Variants in GABRB3 observed in about 807,000 individuals in gnomAD.
GABRB3 encodes the protein gamma-aminobutyric acid type A receptor subunit beta3, also known as gamma-aminobutyric acid receptor subunit beta-3.
In GABRB3, 14 loss-of-function variants were observed where a neutral mutation model predicts 52.1. The observed-to-expected ratio is 0.27, with a 90% CI of 0.18 to 0.42. The LOEUF (loss-of-function observed/expected upper bound fraction) is 0.42, where lower values mean the gene tolerates loss of function less well. GABRB3 is among the 10% of genes least tolerant of loss of function. The pLI is 1.00. For missense variants in GABRB3, 307 were observed against 609.1 expected, an observed-to-expected ratio of 0.50 and a Z score of 5.22; for synonymous variants, 260 against 232.3, an observed-to-expected ratio of 1.12 and a Z score of -1.08.
At chr15:26,562,832 T>C (rs1232068537) in intron 7 of GABRB3, among the ~76,000 whole-genome samples, 1 of 69,930 alleles carries the variant, frequency 1.4e-5, no homozygotes, top group Non-Finnish European at 3.0e-5. Flanking sequence ...AACTGAAGAC[T>C]TGAGAAACTC....
Position 26,621,860 on chromosome 15 carries a change from G to A in GABRB3, c.241-326C>T, listed in dbSNP as rs1480063466. Among the ~76,000 whole-genome samples the A allele has an allele frequency of 2.0e-5, 3 of 150,006 alleles. No homozygotes were observed. The highest frequency in any genetic ancestry group is 1.9e-4 in the East Asian group (1 of 5,148). On this transcript the variant is annotated intron_variant, in intron 3 of 8. Transcript: ENST00000311550. This position sits in a 1 kb window ranked among gnomAD's most constrained non-coding sequence, Gnocchi z 4.1. ...GTCATCGTAAAATCAGGTTGCTGGC[G>A]GGGAACTAGATTGTTCCCATGGATG... is the stretch of plus-strand genomic sequence containing the variant.
intron 3 of GABRB3, among the ~76,000 whole-genome samples, chr15:26,638,541 G>A (rs1893115101): frequency 6.6e-6 from 1 of 152,194 alleles, no homozygotes; most frequent in Admixed American, 6.5e-5. Context: ...ACCCCTCTGA[G>A]TGCCAATCCC....
At chr15:26,707,510 C>T (rs527287039) in intron 3 of GABRB3, among the ~76,000 whole-genome samples, 6 of 152,208 alleles carry the variant, frequency 3.9e-5, no homozygotes, top group East Asian at 1.9e-4. Flanking sequence ...GAAAGGGTCA[C>T]GTGTGAGCCT....
At chr15:26,709,390 C>T (rs999801145) in intron 3 of GABRB3, among the ~76,000 whole-genome samples, 8 of 152,102 alleles carry the variant, frequency 5.3e-5, no homozygotes, top group African/African-American at 1.9e-4. Flanking sequence ...GACATGCTGA[C>T]CCTCCTTCTA....
chr15:26,586,313 T>C (rs1360582019), intron 4 of GABRB3, among the ~76,000 whole-genome samples: 2 of 151,612 alleles, frequency 1.3e-5, no homozygotes, highest in Non-Finnish European at 2.9e-5. Flanking sequence ...TCTTATATAT[T>C]TTGGTACCTA....
At chr15:26,679,965 C>T (rs939186006) in intron 3 of GABRB3, among the ~76,000 whole-genome samples, 6 of 152,186 alleles carry the variant, frequency 3.9e-5, no homozygotes, top group Non-Finnish European at 8.8e-5. Flanking sequence ...GTTAATTTTA[C>T]GTGTCATTCA....
chr15:26,547,619 T>C lies in GABRB3; in HGVS notation c.*174A>G. The C allele has an allele frequency of 1.6e-6, 1 of 627,412 alleles. No individual in the cohort carries two copies. The highest frequency in any genetic ancestry group is 2.7e-5 in the Admixed American group (1 of 37,470). The allele number at this position is 627,412 out of a possible 1,614,324, so 38.9% of individuals were successfully genotyped here. ...AAACATATACACATACATCCTCATA[T>C]ACACGTGTATTTTATATATATGCTG... On this transcript the variant is annotated 3_prime_UTR_variant, in exon 9 of 9. Transcript: ENST00000311550.
At chr15:26,761,940 C>T (rs913667808) in intron 3 of GABRB3, among the ~76,000 whole-genome samples, 2 of 152,134 alleles carry the variant, frequency 1.3e-5, no homozygotes, top group Non-Finnish European at 2.9e-5. Context: ...GTTCAAGATT[C>T]TTGTGACTCA....
intron 3 of GABRB3, among the ~76,000 whole-genome samples, chr15:26,752,688 A>T (rs1348340136): frequency 6.6e-6 from 1 of 152,200 alleles, no homozygotes; most frequent in East Asian, 1.9e-4. Flanking sequence ...AATCAAGCGA[A>T]TGAATATATC....
intron 3 of GABRB3, among the ~76,000 whole-genome samples, chr15:26,694,741 T>C (rs1323133705): frequency 6.6e-6 from 1 of 152,150 alleles, no homozygotes. Flanking sequence ...CAGCAGAGAT[T>C]TTGTAATTAT....
intron 3 of GABRB3, among the ~76,000 whole-genome samples, chr15:26,698,711 C>T (rs1888828715): frequency 6.6e-6 from 1 of 152,118 alleles, no homozygotes; most frequent in Non-Finnish European, 1.5e-5. Flanking sequence ...CTCTTTTGGG[C>T]TCATTATTGC....
chr15:26,668,302 G>C (rs1887778146), intron 3 of GABRB3, among the ~76,000 whole-genome samples: 1 of 152,190 alleles, frequency 6.6e-6, no homozygotes, highest in South Asian at 2.1e-4. Flanking sequence ...AGCTATTTTA[G>C]TGCTAATGTG....
chr15:26,572,047 G>GAA (rs67382387), intron 6 of GABRB3, among the ~76,000 whole-genome samples: 3,550 of 53,022 alleles, frequency 0.067, 56 homozygotes, highest in Non-Finnish European at 0.081. Flanking sequence ...TCCGTCTCAA[G>GAA]AAAAAAAAAA....
chr15:26,668,731 T>C (rs1355769421), intron 3 of GABRB3, among the ~76,000 whole-genome samples: 2 of 152,218 alleles, frequency 1.3e-5, no homozygotes, highest in Non-Finnish European at 2.9e-5. Context: ...GAGTAAATTG[T>C]ATGACTATAA....
chr15:26,725,777 T>C (rs1382076970), intron 3 of GABRB3, among the ~76,000 whole-genome samples: 2 of 152,240 alleles, frequency 1.3e-5, no homozygotes, highest in Non-Finnish European at 2.9e-5. Flanking sequence ...ATACAACTTA[T>C]ACACATAGCC....
intron 3 of GABRB3, among the ~76,000 whole-genome samples, chr15:26,690,679 C>A (rs528286394): frequency 6.6e-6 from 1 of 151,996 alleles, no homozygotes; most frequent in African/African-American, 2.4e-5. Flanking sequence ...CTGATGTTCC[C>A]ACTTAGTGTT....
chr15:26,595,051 A>G (rs1244148129), intron 4 of GABRB3, among the ~76,000 whole-genome samples: 1 of 152,190 alleles, frequency 6.6e-6, no homozygotes, highest in Admixed American at 6.5e-5. Context: ...ACTTCTACAT[A>G]TGTGGCTGCT....
chr15:26,653,082 G>A (rs958249301), intron 3 of GABRB3, among the ~76,000 whole-genome samples: 19 of 152,094 alleles, frequency 1.2e-4, no homozygotes, highest in Admixed American at 5.9e-4. Context: ...TTCATTCCTG[G>A]GAGTAGGCAG....
intron 3 of GABRB3, among the ~76,000 whole-genome samples, chr15:26,681,336 T>A (rs1888233185): frequency 6.6e-6 from 1 of 152,126 alleles, no homozygotes; most frequent in Non-Finnish European, 1.5e-5. Context: ...GAAATCAGAT[T>A]ATTAAAAACA....
Sources: gnomAD v4.1 joint callset for allele counts (sites outside exome capture counted in the v4.1 genomes callset) on GRCh38, gnomAD v4.1.1 for gene constraint, Gnocchi (gnomAD v3.1) non-coding constraint, MANE v1.5 for transcripts, NCBI Gene and HGNC (gene_info 2026-07-23, HGNC 2026-07-21) for gene names.